Variants in DNAH17 observed in about 807,000 individuals in gnomAD.
DNAH17 encodes axonemal beta dynein heavy chain 17.
In DNAH17, 376 loss-of-function variants were observed where a neutral mutation model predicts 485.6. The observed-to-expected ratio is 0.77, with a 90% CI of 0.71 to 0.84. The LOEUF (loss-of-function observed/expected upper bound fraction) is 0.84. Among genes scored for constraint, DNAH17 ranks in the 40% least tolerant of loss-of-function variants. The probability of loss-of-function intolerance (pLI) is 0.00; values close to 1 mark genes in which losing one functional copy is unlikely to be tolerated. For missense variants in DNAH17, 6,370 were observed against 5,839.3 expected, an observed-to-expected ratio of 1.09 and a Z score of -2.96; for synonymous variants, 3,031 against 2,405.9, an observed-to-expected ratio of 1.26 and a Z score of -7.60.
intron 9 of DNAH17, among the ~76,000 whole-genome samples, chr17:78,567,581 C>T (rs191460771): frequency 1.5e-3 from 228 of 152,248 alleles, no homozygotes; most frequent in African/African-American, 5.3e-3. Context: ...TTCCCCGCTA[C>T]CTGGAAGACC....
intron 73 of DNAH17, among the ~76,000 whole-genome samples, chr17:78,438,079 C>T (rs1309121219): frequency 1.3e-5 from 2 of 152,090 alleles, no homozygotes; most frequent in Non-Finnish European, 2.9e-5. Flanking sequence ...AACTGAGGCC[C>T]CAGAATCTAT....
intron 1 of DNAH17, among the ~76,000 whole-genome samples, chr17:78,575,815 C>G (rs1207311063): frequency 6.6e-6 from 1 of 152,148 alleles, no homozygotes; most frequent in African/African-American, 2.4e-5. Context: ...AAGACACACC[C>G]AAACAGTCAT....
chr17:78,478,793 C>CCAT (rs1197617114), intron 51 of DNAH17: 2 of 500,814 alleles, frequency 4.0e-6, no homozygotes, highest in Middle Eastern at 5.0e-4. Flanking sequence ...ATCATCATAA[C>CCAT]CATCACTACC....
chr17:78,460,907 G>A (rs1166202099), intron 58 of DNAH17, among the ~76,000 whole-genome samples: 2 of 152,124 alleles, frequency 1.3e-5, no homozygotes, highest in African/African-American at 4.8e-5. Flanking sequence ...GAGACAGTGG[G>A]CCATGACTGG....
intron 13 of DNAH17, among the ~76,000 whole-genome samples, chr17:78,558,682 G>C (rs990803965): frequency 6.6e-6 from 1 of 152,160 alleles, no homozygotes; most frequent in South Asian, 2.1e-4. Flanking sequence ...TCTTATCTCT[G>C]TCCTCTCCTA....
In DNAH17 at chr17:78,552,743, A is replaced by G. The variant is rs771192181; in HGVS notation, c.2241T>C (p.Asp747=). 1.9e-5 allele frequency: 31 copies of G among 1,613,872 alleles called. No individual in the cohort carries two copies. The Admixed American group carries it at 3.0e-4, about 16-fold the overall frequency. The change falls in exon 15 of 81, where the codon GAT becomes GAC. Residue 747 remains aspartate, a synonymous_variant. Transcript: ENST00000389840. ...TCGTTTCAGCGCTCAATAACTTGAC[A>G]TCAATTGCTTCCAGTTCTGACTTTA... ...LLIKSELEAI[D]VKLLSAETTL...
intron 19 of DNAH17, among the ~76,000 whole-genome samples, chr17:78,535,934 C>A (rs1322299107): frequency 6.6e-6 from 1 of 152,030 alleles, no homozygotes; most frequent in African/African-American, 2.4e-5. Context: ...TTTTTTATTG[C>A]TATACAAATA....
At position 78,479,037 on chromosome 17, in the gene DNAH17, G is replaced by A. The variant is rs574957481; in HGVS notation, c.7980C>T (p.Ser2660=). 5.6e-6 allele frequency: 9 copies of A among 1,613,874 alleles called. No individual in the cohort carries two copies. The Admixed American group carries it at 8.3e-5, about 15-fold the overall frequency. Residue 2660 remains serine (S), a synonymous_variant, in exon 51 of 81, where the codon TCC becomes TCT. Transcript: ENST00000389840. The stretch of plus-strand genomic sequence containing the variant: ...ACAAGAGCAGTACCTGGAAAATATT[G>A]GAGAGGTCCCTGAGGTTGAAGACAT... The part of the protein sequence containing the change: ...FHYVFNLRDL[S]NIFQGLLFST...
At position 78,425,756 on chromosome 17, in the gene DNAH17, C is replaced by CTTTTTT. The variant is rs71160294; in HGVS notation, c.12916-191_12916-186dup. On this transcript the variant is annotated intron_variant, in intron 79 of 80. Transcript: ENST00000389840. The stretch of plus-strand genomic sequence containing the variant: ...TACCATGACGCAACTTTGGTGTCTG[C>CTTTTTT]TTTTTTTTTTTTTTTTTTTTTTTTT... Among the ~76,000 whole-genome samples, 316 of 120,668 alleles carry CTTTTTT rather than the reference C, an allele frequency of 2.6e-3. 13 individuals are homozygous for CTTTTTT. The highest frequency in any genetic ancestry group is 4.6e-3 in the African/African-American group (120 of 26,208). The allele number at this position is 120,668 out of a possible 152,430, so 79.2% of individuals were successfully genotyped here.
chr17:78,501,121 C>A, intron 35 of DNAH17, 63 bp downstream of exon 35: 1 of 1,502,378 alleles, frequency 6.7e-7, no homozygotes, highest in South Asian at 1.4e-5. Flanking sequence ...TCGGACAGTT[C>A]CAAGAATCAT....
At chr17:78,512,940 CAAAAAAAAAAAA>C in intron 26 of DNAH17, among the ~76,000 whole-genome samples, 1 of 83,308 alleles carries the variant, frequency 1.2e-5, no homozygotes, top group East Asian at 3.6e-4. Flanking sequence ...GACTCTAACT[CAAAAAAAAAAAA>C]AAAAAAAAAA....
chr17:78,425,196 C>T (rs2086385141), intron 80 of DNAH17, 150 bp downstream of exon 80: 15 of 743,180 alleles, frequency 2.0e-5, no homozygotes, highest in Non-Finnish European at 3.0e-5. Flanking sequence ...TGGCTCTGAC[C>T]TGCAGGCTGA....
At chr17:78,525,816 T>C (rs757445650) in intron 24 of DNAH17, among the ~76,000 whole-genome samples, 34 of 152,206 alleles carry the variant, frequency 2.2e-4, no homozygotes, top group Non-Finnish European at 2.9e-5. Context: ...AATGGCTGCA[T>C]CTCCATCGTG....
chr17:78,520,523 C>T (rs376911843), intron 25 of DNAH17, among the ~76,000 whole-genome samples: 28 of 152,240 alleles, frequency 1.8e-4, no homozygotes, highest in African/African-American at 6.7e-4. Context: ...TTAGCAAGGC[C>T]ACAAGAGAAA....
chr17:78,443,520 G>C (rs977048786), intron 71 of DNAH17, among the ~76,000 whole-genome samples: 3 of 150,550 alleles, frequency 2.0e-5, no homozygotes, highest in Admixed American at 6.7e-5. Context: ...TGGGAGTTAG[G>C]CCTCTGCTTT....
chr17:78,428,149 C>T (rs929285928), intron 77 of DNAH17, among the ~76,000 whole-genome samples: 8 of 152,148 alleles, frequency 5.3e-5, no homozygotes, highest in Admixed American at 1.3e-4. Context: ...TCCGGCTGCC[C>T]GGTGCGAGCT....
rs1356189332 is a variant in DNAH17, at chr17:78,501,183, C to T, written c.5483+1G>A. The T allele has an allele frequency of 6.4e-7, 1 of 1,574,056 alleles. No individual in the cohort carries two copies. Among genetic ancestry groups the T allele is most frequent in the Admixed American group, 1.7e-5 (1 of 58,996 alleles). ...GTGAGTTACTCAGGGACGGGCCTCACCTGTCAGTGAGTGGGGTGATGACCA... is the reference window on the plus strand; with the variant it reads ...GTGAGTTACTCAGGGACGGGCCTCATCTGTCAGTGAGTGGGGTGATGACCA... On this transcript the variant is annotated splice_donor_variant, in intron 35 of 80. Transcript: ENST00000389840. LOFTEE classifies it high-confidence loss of function.
intron 26 of DNAH17, among the ~76,000 whole-genome samples, chr17:78,513,907 G>A (rs12600766): frequency 0.4 from 60,200 of 151,886 alleles, 12,281 homozygotes; most frequent in East Asian, 0.49. Context: ...TGTATCCTTT[G>A]CAGCTAGGTG....
intron 25 of DNAH17, among the ~76,000 whole-genome samples, chr17:78,520,501 TAGTA>T (rs2090906905): frequency 1.3e-5 from 2 of 152,220 alleles, no homozygotes; most frequent in Non-Finnish European, 2.9e-5. Context: ...ATCCTAGAAC[TAGTA>T]AGTGAGTTTA....
Sources: gnomAD v4.1 joint callset for allele counts (sites outside exome capture counted in the v4.1 genomes callset) on GRCh38, gnomAD v4.1.1 for gene constraint, MANE v1.5 for transcripts, NCBI Gene and HGNC (gene_info 2026-07-23, HGNC 2026-07-21) for gene names.